Variants in LPIN2 observed in about 807,000 individuals in gnomAD.
LPIN2 encodes phosphatidate phosphatase LPIN2.
LPIN2 carries 55 observed loss-of-function variants against 111.4 expected under a neutral mutation model. That is an observed-to-expected ratio of 0.49 (90% CI 0.40 to 0.62). The LOEUF (loss-of-function observed/expected upper bound fraction) is 0.62, where lower values mean the gene tolerates loss of function less well. Among genes scored for constraint, LPIN2 ranks in the 20% least tolerant of loss-of-function variants. LPIN2 has a pLI of 0.00. For missense variants in LPIN2, 992 were observed against 1,112.1 expected (o/e 0.89, Z 1.54); for synonymous variants, 425 against 414.0 (o/e 1.03, Z -0.32).
At chr18:3,012,364 GAA>G (rs2078618542) in intron 1 of LPIN2, among the ~76,000 whole-genome samples, 1 of 152,232 alleles carries the variant, frequency 6.6e-6, no homozygotes, top group African/African-American at 2.4e-5. Flanking sequence ...AATTTTCAAT[GAA>G]AAGAGTCTTA....
chr18:2,996,791 T>A (rs919410582), intron 1 of LPIN2, among the ~76,000 whole-genome samples: 7 of 152,050 alleles, frequency 4.6e-5, no homozygotes, highest in African/African-American at 1.7e-4. Flanking sequence ...TCTTTATCTA[T>A]CTATTGAGTA....
At chr18:2,927,609 G>T in intron 12 of LPIN2, 113 bp downstream of exon 12, 1 of 1,114,006 alleles carries the variant, frequency 9.0e-7, no homozygotes, top group Non-Finnish European at 1.3e-6. Flanking sequence ...ACTGCTATAT[G>T]GTAAAATAGC....
intron 1 of LPIN2, among the ~76,000 whole-genome samples, chr18:2,993,233 A>G (rs1408535451): frequency 6.6e-6 from 1 of 152,094 alleles, no homozygotes; most frequent in Non-Finnish European, 1.5e-5. Context: ...AAGAAAGAAA[A>G]AAGGTAGGAG....
At chr18:2,932,135 T>C (rs2077219837) in intron 8 of LPIN2, among the ~76,000 whole-genome samples, 1 of 152,230 alleles carries the variant, frequency 6.6e-6, no homozygotes, top group Admixed American at 6.5e-5. Flanking sequence ...AAGGGAAACC[T>C]TATGCAATGA....
Position 2,921,943 on chromosome 18 carries a change from C to T in LPIN2, c.2327+104G>A, listed in dbSNP as rs921952107. The T allele has an allele frequency of 2.3e-5, 33 of 1,425,058 alleles. No homozygotes were observed. The East Asian group carries it at 2.5e-4, about 11-fold the overall frequency. The allele number at this position is 1,425,058 out of a possible 1,614,324, so 88.3% of individuals were successfully genotyped here. On this transcript the variant is annotated intron_variant, in intron 17 of 19. Transcript: ENST00000677752. ...GACCAAAGAACTGGGAGAGGCGTGG[C>T]GGCTCCAACATCTGACTTCTGTTCC... is the stretch of plus-strand genomic sequence containing the variant.
chr18:2,998,423 C>T (rs1194431798), intron 1 of LPIN2, among the ~76,000 whole-genome samples: 6 of 152,184 alleles, frequency 3.9e-5, no homozygotes, highest in Admixed American at 3.9e-4. Context: ...CACTGATCTG[C>T]TCAACAGCAG....
At chr18:3,012,103 T>C (rs2078614216) in intron 1 of LPIN2, among the ~76,000 whole-genome samples, 1 of 152,162 alleles carries the variant, frequency 6.6e-6, no homozygotes, top group Non-Finnish European at 1.5e-5. Flanking sequence ...TAATAAACAG[T>C]AACACCCATC....
intron 1 of LPIN2, among the ~76,000 whole-genome samples, chr18:3,008,123 G>A (rs1373013902): frequency 6.6e-6 from 1 of 152,210 alleles, no homozygotes; most frequent in Non-Finnish European, 1.5e-5. Flanking sequence ...TTTATAAAAA[G>A]AGACCATCTT....
intron 1 of LPIN2, among the ~76,000 whole-genome samples, chr18:2,992,902 C>T (rs2078285747): frequency 6.7e-6 from 1 of 148,542 alleles, no homozygotes; most frequent in Non-Finnish European, 1.5e-5. Context: ...AGGAGAATGG[C>T]GTGAACCTGG....
At position 2,918,099 on chromosome 18, in the gene LPIN2, A is replaced by C. The variant is rs973861498; in HGVS notation, c.*2194T>G. 1.3e-5 allele frequency: 2 copies of C among 152,148 alleles called. No individual in the cohort carries two copies. Among genetic ancestry groups the C allele is most frequent in the Non-Finnish European group, 2.9e-5 (2 of 68,034 alleles). The allele number at this position is 152,148 out of a possible 1,614,324, so 9.4% of individuals were successfully genotyped here. ...GAGGGACTCCTTTAAACAAGGAAAA[A>C]GACTCACATTAATTAGCCTATGTAC... On this transcript the variant is annotated 3_prime_UTR_variant, in exon 20 of 20. Transcript: ENST00000677752.
intron 7 of LPIN2, among the ~76,000 whole-genome samples, chr18:2,936,722 G>C (rs2077291229): frequency 6.6e-6 from 1 of 152,184 alleles, no homozygotes. Context: ...TGGGACCACA[G>C]ATGAACGCCA....
chr18:2,941,670 T>A (rs1395975473), intron 4 of LPIN2, among the ~76,000 whole-genome samples: 2 of 152,256 alleles, frequency 1.3e-5, no homozygotes, highest in East Asian at 1.9e-4. Context: ...CTCATGCCTG[T>A]CATCCCAGCA....
At position 2,968,168 on chromosome 18, in the gene LPIN2, G is replaced by A. The variant is rs189900678; in HGVS notation, c.-9-7319C>T. On this transcript the variant is annotated intron_variant, in intron 1 of 19. Coordinates refer to ENST00000677752, the MANE Select transcript of LPIN2 (RefSeq NM_001375808.2). ...TCTAGGACGATTTAGTCCCTGTACA[G>A]ACTCTGTAAACGAAAACCCAGTGCC... is the stretch of plus-strand genomic sequence containing the variant. Among the ~76,000 whole-genome samples the A allele has an allele frequency of 3.3e-5, 5 of 152,336 alleles. No individual in the cohort carries two copies. The East Asian group carries it at 9.6e-4, about 29-fold the overall frequency.
intron 1 of LPIN2, among the ~76,000 whole-genome samples, chr18:3,005,676 T>TACAC (rs34050872): frequency 0.022 from 3,182 of 146,954 alleles, 74 homozygotes; most frequent in African/African-American, 0.051. Context: ...GACACTATCT[T>TACAC]ACACACACAC....
In LPIN2 at chr18:2,939,500, C is replaced by T. The variant is rs755432834; in HGVS notation, c.802G>A (p.Gly268Arg). 24 of 1,613,774 alleles carry T rather than the reference C, an allele frequency of 1.5e-5. No individual in the cohort carries two copies. The highest frequency in any genetic ancestry group is 2.2e-5 in the East Asian group (1 of 44,880). Residue 268 changes from glycine (G) to arginine (R), a missense_variant, in exon 6 of 20, where the codon GGA becomes AGA. Physicochemically the swap from Gly to Arg is moderately radical, Grantham distance 125 (BLOSUM62 -2). Coordinates refer to ENST00000677752, the MANE Select transcript of LPIN2 (RefSeq NM_001375808.2). ...SESHMEWTWG[G>R]FPESTKVSKR... ...AGTACCTTGGTGGACTCTGGGAATC[C>T]GCCCCACGTCCACTCCATGTGAGAC...
chr18:3,002,780 CT>C (rs1194060907), intron 1 of LPIN2, among the ~76,000 whole-genome samples: 2 of 152,190 alleles, frequency 1.3e-5, no homozygotes, highest in African/African-American at 2.4e-5. Context: ...AAGCCCAGAG[CT>C]AACTCCAAGA....
At chr18:2,956,311 GGTGTGTGTGTGTGTGT>G (rs55844718) in intron 2 of LPIN2, among the ~76,000 whole-genome samples, 30 of 143,960 alleles carry the variant, frequency 2.1e-4, no homozygotes, top group Non-Finnish European at 3.2e-4. Context: ...TAGATGCAGG[GGTGTGTGTGTGTGTGT>G]GTGTGTGTGT....
At chr18:2,939,822 CTTT>C (rs2077344249) in intron 5 of LPIN2, among the ~76,000 whole-genome samples, 2 of 152,120 alleles carry the variant, frequency 1.3e-5, no homozygotes, top group South Asian at 4.1e-4. Flanking sequence ...TTACCAGGTC[CTTT>C]GTAAACAAAC....
intron 1 of LPIN2, among the ~76,000 whole-genome samples, chr18:2,979,354 C>G (rs1474654236): frequency 6.6e-6 from 1 of 152,148 alleles, no homozygotes; most frequent in Non-Finnish European, 1.5e-5. Context: ...GACCAAGTAT[C>G]CAGGCAAACT....
Sources: gnomAD v4.1 joint callset for allele counts (sites outside exome capture counted in the v4.1 genomes callset) on GRCh38, gnomAD v4.1.1 for gene constraint, MANE v1.5 for transcripts, NCBI Gene and HGNC (gene_info 2026-07-23, HGNC 2026-07-21) for gene names.